FRMD6: variants seen among roughly 807,000 people sequenced by gnomAD.
The protein encoded by FRMD6 is FERM domain containing 6.
A neutral mutation model predicts 73.2 loss-of-function variants in FRMD6; 37 were observed. The observed-to-expected ratio is 0.51, with a 90% CI of 0.39 to 0.66. The LOEUF is 0.66. Among genes scored for constraint, FRMD6 ranks in the 30% least tolerant of loss-of-function variants. The pLI, the probability that FRMD6 is intolerant of heterozygous loss-of-function variation, is 0.00. For synonymous variants in FRMD6, 273 were observed against 282.2 expected, an observed-to-expected ratio of 0.97 and a Z score of 0.33; for missense variants, 714 against 780.5, an observed-to-expected ratio of 0.91 and a Z score of 1.02.
the FRMD6 span, among the ~76,000 whole-genome samples, chr14:51,475,749 ATGCCT>A: frequency 6.6e-6 from 1 of 152,228 alleles, no homozygotes; most frequent in Non-Finnish European, 1.5e-5. Flanking sequence ...AATAACTGAG[ATGCCT>A]TTTCCCAAAC....
chr14:51,425,251 G>A, the FRMD6 span, among the ~76,000 whole-genome samples: 8 of 152,102 alleles, frequency 5.3e-5, no homozygotes, highest in Non-Finnish European at 1.0e-4. Context: ...GATTATCCTC[G>A]TCCTTGAGCC....
rs1214076637 is a variant in FRMD6 at position 51,704,887 on chromosome 14, T to A, written c.510T>A (p.Asn170Lys). The A allele has an allele frequency of 1.2e-6, 2 of 1,613,354 alleles. No homozygotes were observed. Among genetic ancestry groups the A allele is most frequent in the Non-Finnish European group, 1.7e-6 (2 of 1,179,560 alleles). ...CTGATCTTGGGAACTTCAAAAGGAA[T>A]AAGCACTATGGAAAATACTTCGAGC... The part of the protein sequence containing the change: ...LQADLGNFKR[N>K]KHYGKYFEPE... The change falls in exon 6 of 14, where the codon AAT (asparagine) becomes AAA (lysine). Residue 170 changes from asparagine (N) to lysine (K), a missense_variant. Transcript: ENST00000344768.
At position 51,500,179 on chromosome 14, in the gene FRMD6, G is replaced by T. The variant is rs181935079; in HGVS notation, c.-210+10759G>T. Among the ~76,000 whole-genome samples the T allele has an allele frequency of 1.6e-3, 249 of 152,294 alleles. 4 individuals carry two copies. Among genetic ancestry groups the T allele is most frequent in the African/African-American group, 5.8e-3 (242 of 41,562 alleles). On this transcript the variant is annotated intron_variant, in intron 1 of 14. Coordinates refer to the FRMD6 transcript ENST00000356218. ...AGCGTTTTGGCAGTTACATATTTTGGGAGATGATGGGGGAAATGTTAGAGA... is the reference window on the plus strand; with the variant it reads ...AGCGTTTTGGCAGTTACATATTTTGTGAGATGATGGGGGAAATGTTAGAGA...
the FRMD6 span, among the ~76,000 whole-genome samples, chr14:51,427,931 A>G: frequency 6.6e-6 from 1 of 152,222 alleles, no homozygotes; most frequent in Admixed American, 6.5e-5. Context: ...ATACTACCAC[A>G]TTCTTTAAAA....
intron 1 of FRMD6, among the ~76,000 whole-genome samples, chr14:51,539,997 T>G (rs1394346146): frequency 6.6e-6 from 1 of 152,242 alleles, no homozygotes; most frequent in Non-Finnish European, 1.5e-5. Context: ...GCACACTTTG[T>G]GTGCTGGCTG....
chr14:51,477,737 CTTTTT>C, the FRMD6 span, among the ~76,000 whole-genome samples: 185 of 134,212 alleles, frequency 1.4e-3, no homozygotes, highest in African/African-American at 4.8e-3. Flanking sequence ...TTTTCTTTTT[CTTTTT>C]TTTTTTTTTT....
At chr14:51,448,952 G>C in the FRMD6 span, among the ~76,000 whole-genome samples, 1 of 152,170 alleles carries the variant, frequency 6.6e-6, no homozygotes, top group African/African-American at 2.4e-5. Flanking sequence ...ACTAGTCATG[G>C]TACCTCATCT....
Position 51,728,569 on chromosome 14 carries a change from A to T in FRMD6, c.*540A>T, listed in dbSNP as rs180734826. ...ACACTGATGGAGTGGTCAAAATCAT[A>T]AGGTTGTAGCAAGCCAAAGATACGT... On this transcript the variant is annotated 3_prime_UTR_variant, in exon 14 of 14. Coordinates refer to ENST00000344768, the MANE Select transcript of FRMD6 (RefSeq NM_001267046.2). 1.3e-5 allele frequency: 2 copies of T among 156,912 alleles called. No individual in the cohort carries two copies. Among genetic ancestry groups the T allele is most frequent in the Non-Finnish European group, 2.8e-5 (2 of 70,360 alleles). 9.7% of individuals were successfully genotyped at this position (156,912 alleles called of 1,614,324 possible).
intron 2 of FRMD6, among the ~76,000 whole-genome samples, chr14:51,636,551 C>G (rs929434028): frequency 6.6e-6 from 1 of 152,162 alleles, no homozygotes; most frequent in African/African-American, 2.4e-5. Flanking sequence ...TCCCTGGACT[C>G]CCTAGCCTCC....
rs59151771 is a variant in FRMD6, at chr14:51,599,058, C to CTTTTTTTTTTT, written c.-147+28665_-147+28675dup. ...TCTCAGCAGCCTTGCCAGTATCTGT[C>CTTTTTTTTTTT]TTTTTTTTTTTTTTTTTTTTTTTTT... is the stretch of plus-strand genomic sequence containing the variant. On this transcript the variant is annotated intron_variant, in intron 2 of 14. Coordinates refer to the FRMD6 transcript ENST00000356218. 4.5e-4 allele frequency among the ~76,000 whole-genome samples: 33 copies of CTTTTTTTTTTT among 72,822 alleles called. 4 individuals carry two copies. The highest frequency in any genetic ancestry group is 1.6e-3 in the African/African-American group (29 of 18,186). 47.8% of individuals were successfully genotyped at this position (72,822 alleles called of 152,430 possible).
chr14:51,530,410 T>A (rs1885515110), intron 1 of FRMD6, among the ~76,000 whole-genome samples: 1 of 152,238 alleles, frequency 6.6e-6, no homozygotes, highest in African/African-American at 2.4e-5. Flanking sequence ...CAGGTAGATA[T>A]TAATAAGGTA....
At chr14:51,443,955 T>TTA in the FRMD6 span, among the ~76,000 whole-genome samples, 2 of 151,528 alleles carry the variant, frequency 1.3e-5, no homozygotes, top group African/African-American at 4.9e-5. Flanking sequence ...TTTTTTTTTT[T>TTA]TTTCCTCTCG....
intron 2 of FRMD6, among the ~76,000 whole-genome samples, chr14:51,626,595 A>G (rs77480859): frequency 1.1e-4 from 16 of 152,348 alleles, no homozygotes; most frequent in African/African-American, 3.8e-4. Context: ...CAGGCTCTCA[A>G]TAAACAGAAG....
chr14:51,637,457 A>G (rs1406016386), intron 2 of FRMD6: 1 of 108,514 alleles, frequency 9.2e-6, no homozygotes, highest in Non-Finnish European at 1.9e-5. Flanking sequence ...CATTGTTGAT[A>G]CACACAGGCA....
rs895791235 is a variant in FRMD6, at chr14:51,728,251, C to T, written c.*222C>T. 22 of 509,614 alleles carry T rather than the reference C, an allele frequency of 4.3e-5. No individual in the cohort carries two copies. Among genetic ancestry groups the T allele is most frequent in the Middle Eastern group, 5.2e-4 (1 of 1,940 alleles). The allele number at this position is 509,614 out of a possible 1,614,324, so 31.6% of individuals were successfully genotyped here. A position where few individuals can be genotyped will look rare whatever the true frequency, so the allele number is the denominator to read the frequency against. On this transcript the variant is annotated 3_prime_UTR_variant, in exon 14 of 14. Coordinates refer to ENST00000344768, the MANE Select transcript of FRMD6 (RefSeq NM_001267046.2). ...GAAAATGTACAGCAAGACAAGTGCC[C>T]GGAAGTTCACTGATCCTTCAGAAGG...
At chr14:51,725,975 A>T in intron 13 of FRMD6, 105 bp downstream of exon 13, 1 of 717,612 alleles carries the variant, frequency 1.4e-6, no homozygotes, top group Non-Finnish European at 2.4e-6. Flanking sequence ...AACCCTAAGG[A>T]AATGATCCTT....
intron 2 of FRMD6, among the ~76,000 whole-genome samples, chr14:51,594,125 TTTTG>T (rs772078037): frequency 3.3e-5 from 5 of 151,868 alleles, no homozygotes; most frequent in Non-Finnish European, 5.9e-5. Flanking sequence ...TGAGTACATG[TTTTG>T]TTTGTTTGTT....
chr14:51,563,510 A>G (rs1887596934), intron 1 of FRMD6, among the ~76,000 whole-genome samples: 1 of 152,066 alleles, frequency 6.6e-6, no homozygotes, highest in Admixed American at 6.6e-5. Flanking sequence ...TCTCTACTAA[A>G]AATCCAAAAA....
chr14:51,607,598 G>T (rs1594595104), intron 2 of FRMD6, among the ~76,000 whole-genome samples: 1 of 151,980 alleles, frequency 6.6e-6, no homozygotes, highest in Non-Finnish European at 1.5e-5. Context: ...CATACCACTC[G>T]CTCCTCAGGG....
Sources: gnomAD v4.1 joint callset for allele counts (sites outside exome capture counted in the v4.1 genomes callset) on GRCh38, gnomAD v4.1.1 for gene constraint, MANE v1.5 for transcripts, NCBI Gene and HGNC (gene_info 2026-07-23, HGNC 2026-07-21) for gene names.